CARD8: variants seen among roughly 807,000 people sequenced by gnomAD.
CARD8 encodes caspase recruitment domain-containing protein 8.
CARD8 carries 38 observed loss-of-function variants against 53.2 expected under a neutral mutation model. The ratio of observed to expected loss-of-function variants is 0.71; its 90% CI spans 0.55 to 0.94. CARD8 has a LOEUF of 0.94. Ranked by LOEUF, CARD8 falls within the 40% of genes least tolerant of loss-of-function variation. The pLI is 0.00. For synonymous variants in CARD8, 245 were observed against 244.9 expected, an observed-to-expected ratio of 1.00 and a Z score of 0.00; for missense variants, 561 against 655.5, an observed-to-expected ratio of 0.86 and a Z score of 1.57.
chr19:48,212,018 T>A (rs1381864813), intron 13 of CARD8, 43 bp from the exon 14 acceptor site: 2 of 1,584,998 alleles, frequency 1.3e-6, no homozygotes, highest in South Asian at 2.3e-5. Context: ...ATCGTTCACT[T>A]ACAGGATTCA....
chr19:48,214,061 A>G (rs556651120), intron 13 of CARD8, among the ~76,000 whole-genome samples: 1 of 152,186 alleles, frequency 6.6e-6, no homozygotes, highest in African/African-American at 2.4e-5. Flanking sequence ...TTTACCCCCA[A>G]TAATTTGCTG....
At chr19:48,219,561 G>GC (rs998645290) in intron 11 of CARD8, among the ~76,000 whole-genome samples, 19 of 152,178 alleles carry the variant, frequency 1.2e-4, no homozygotes, top group African/African-American at 3.4e-4. Context: ...CAGAAAACAA[G>GC]CCCCCCGACC....
At chr19:48,253,349 T>C (rs752902359) in intron 1 of CARD8, among the ~76,000 whole-genome samples, 29 of 152,150 alleles carry the variant, frequency 1.9e-4, no homozygotes, top group Non-Finnish European at 3.5e-4. Context: ...CCTCCCAAAG[T>C]GCTGTAATTA....
At position 48,211,760 on chromosome 19, in the gene CARD8, T is replaced by G; in HGVS notation, c.1564A>C (p.Ser522Arg). 6.2e-7 allele frequency: 1 copy of G among 1,614,206 alleles called. No homozygotes were observed. The highest frequency in any genetic ancestry group is 1.3e-5 in the African/African-American group (1 of 75,044). The change falls in exon 14 of 14, where the codon AGT becomes CGT. Residue 522 changes from serine (S) to arginine (R), a missense_variant. Transcript: ENST00000651546. Reference sequence around the variant, plus strand: ...GACACGAGGTAAGGGTCCCTTTCACTAATGCTTCTGAAGAGCACGTCCAGG... The same window carrying G: ...GACACGAGGTAAGGGTCCCTTTCACGAATGCTTCTGAAGAGCACGTCCAGG... ...LALDVLFRSISERDPYLVSYL... is the reference protein window; with the variant it reads ...LALDVLFRSIRERDPYLVSYL...
intron 10 of CARD8, among the ~76,000 whole-genome samples, chr19:48,222,463 G>A (rs920550011): frequency 3.3e-5 from 5 of 152,176 alleles, no homozygotes; most frequent in African/African-American, 1.2e-4. Flanking sequence ...GGCCGAGGTG[G>A]GCAGATCACA....
chr19:48,228,848 G>A (rs148989820), intron 10 of CARD8, among the ~76,000 whole-genome samples: 30 of 152,270 alleles, frequency 2.0e-4, no homozygotes, highest in Admixed American at 3.9e-4. Context: ...TGTGTACGAA[G>A]AGGGAGGCGG....
intron 6 of CARD8, chr19:48,233,159 T>G: frequency 2.8e-6 from 1 of 356,298 alleles, no homozygotes; most frequent in South Asian, 2.2e-5. Flanking sequence ...ATCGGCGCTT[T>G]CAAAGCCTCA....
chr19:48,242,651 T>C (rs539230939), intron 3 of CARD8: 6 of 152,342 alleles, frequency 3.9e-5, no homozygotes, highest in African/African-American at 1.4e-4. Flanking sequence ...GGGGCTGTTA[T>C]GAAAAATGAT....
At chr19:48,245,237 C>A (rs1692768225) in intron 3 of CARD8, among the ~76,000 whole-genome samples, 1 of 152,016 alleles carries the variant, frequency 6.6e-6, no homozygotes, top group African/African-American at 2.4e-5. Context: ...TGAGACGGGG[C>A]CTCCCTCTGT....
At chr19:48,216,399 C>G (rs2039306634) in intron 12 of CARD8, among the ~76,000 whole-genome samples, 3 of 152,180 alleles carry the variant, frequency 2.0e-5, no homozygotes, top group Admixed American at 2.0e-4. Context: ...ACAAACAAAA[C>G]TCTGACAATC....
intron 5 of CARD8, among the ~76,000 whole-genome samples, chr19:48,238,041 C>T (rs574913425): frequency 6.6e-6 from 1 of 151,818 alleles, no homozygotes; most frequent in Admixed American, 6.6e-5. Flanking sequence ...CAGGTGTGGG[C>T]CACTATGCCC....
chr19:48,218,375 C>CTTTTTTTTTTTTTTTTTTT, intron 12 of CARD8, among the ~76,000 whole-genome samples: 1 of 11,754 alleles, frequency 8.5e-5, no homozygotes, highest in Non-Finnish European at 3.0e-4. Flanking sequence ...TTTTTTTTTT[C>CTTTTTTTTTTTTTTTTTTT]AGATGGAGTT....
At chr19:48,231,552 C>T (rs903786239) in intron 8 of CARD8, 108 bp downstream of exon 8, 2 of 1,126,436 alleles carry the variant, frequency 1.8e-6, no homozygotes, top group Admixed American at 2.3e-5. Context: ...ATCCGCCCTC[C>T]TCCACCTCCC....
Position 48,210,300 on chromosome 19 carries a change from A to G in CARD8, c.*1410T>C, listed in dbSNP as rs1483778550. ...AAGATGTCCTCAGAGGAAGCAAAAA[A>G]TAAGAGAATCTGTACCTATCAGAAC... On this transcript the variant is annotated 3_prime_UTR_variant, in exon 14 of 14. Transcript: ENST00000651546. The G allele has an allele frequency of 2.6e-5, 4 of 152,198 alleles. No homozygotes were observed. Among genetic ancestry groups the G allele is most frequent in the Non-Finnish European group, 5.9e-5 (4 of 68,024 alleles). 9.4% of individuals were successfully genotyped at this position (152,198 alleles called of 1,614,324 possible).
At chr19:48,236,945 C>T (rs2044001429) in intron 5 of CARD8, among the ~76,000 whole-genome samples, 3 of 151,834 alleles carry the variant, frequency 2.0e-5, no homozygotes, top group Non-Finnish European at 4.4e-5. Context: ...CCGGCTAATT[C>T]TGTATTTTTA....
chr19:48,206,367 T>C, downstream of CARD8: 1 of 445,972 alleles, frequency 2.2e-6, no homozygotes, highest in South Asian at 1.6e-5. Context: ...ACTCAGCACA[T>C]TTCAGGAAGC....
intron 12 of CARD8, among the ~76,000 whole-genome samples, chr19:48,216,622 C>T (rs772850403): frequency 8.5e-5 from 13 of 152,138 alleles, no homozygotes; most frequent in South Asian, 2.1e-4. Context: ...GGAGGCACAG[C>T]CATGAAGCTG....
chr19:48,228,486 T>C (rs1297318312), intron 10 of CARD8, among the ~76,000 whole-genome samples: 1 of 151,780 alleles, frequency 6.6e-6, no homozygotes, highest in East Asian at 1.9e-4. Flanking sequence ...ACAAAGTCAC[T>C]GACTGGGTGA....
intron 5 of CARD8, among the ~76,000 whole-genome samples, chr19:48,234,994 T>C (rs2043618806): frequency 6.6e-6 from 1 of 152,158 alleles, no homozygotes; most frequent in African/African-American, 2.4e-5. Context: ...ATTAGTGAGA[T>C]TGGGCATGTT....
Sources: allele counts gnomAD v4.1 joint callset (sites outside exome capture counted in the v4.1 genomes callset), GRCh38; gene constraint gnomAD v4.1.1; transcripts MANE v1.5; gene names NCBI Gene and HGNC (gene_info 2026-07-23, HGNC 2026-07-21).